Variants in PDK1 observed in about 807,000 individuals in gnomAD.
PDK1 encodes the protein [Pyruvate dehydrogenase (acetyl-transferring)] kinase isozyme 1, mitochondrial.
A neutral mutation model predicts 54.2 loss-of-function variants in PDK1; 39 were observed. The observed-to-expected ratio is 0.72, with a 90% confidence interval of 0.56 to 0.94. The LOEUF is 0.94. PDK1 is among the 40% of genes least tolerant of loss of function. PDK1 has a pLI of 0.00. For synonymous variants in PDK1, 221 were observed against 207.1 expected, an observed-to-expected ratio of 1.07 and a Z score of -0.58; for missense variants, 552 against 566.0, an observed-to-expected ratio of 0.98 and a Z score of 0.25.
chr2:172,621,598 T>C, the PDK1 span, among the ~76,000 whole-genome samples: 799 of 147,828 alleles, frequency 5.4e-3, 12 homozygotes, highest in African/African-American at 0.018. Context: ...TTATATATGA[T>C]ATATGTTTAT....
chr2:172,681,868 C>T, the PDK1 span, among the ~76,000 whole-genome samples: 19 of 152,310 alleles, frequency 1.2e-4, no homozygotes, highest in South Asian at 4.1e-4. Context: ...AAGCGATTCT[C>T]AAGCCTCAAA....
chr2:172,580,753 A>T (rs1284263303), intron 8 of PDK1, among the ~76,000 whole-genome samples: 4 of 152,258 alleles, frequency 2.6e-5, no homozygotes, highest in Admixed American at 6.5e-5. Context: ...ATGTCCATAC[A>T]GTGGAATATT....
chr2:172,638,355 G>A, the PDK1 span, among the ~76,000 whole-genome samples: 1 of 152,208 alleles, frequency 6.6e-6, no homozygotes, highest in African/African-American at 2.4e-5. Context: ...TTATCTTCTT[G>A]CTGACATACA....
the PDK1 span, among the ~76,000 whole-genome samples, chr2:172,664,311 C>CAAAAAAAAAAAAAAAAA: frequency 1.0e-3 from 45 of 44,180 alleles, 8 homozygotes; most frequent in East Asian, 6.3e-3. Flanking sequence ...AACTCTGCCT[C>CAAAAAAAAAAAAAAAAA]AAAAAAAAAA....
downstream of PDK1, among the ~76,000 whole-genome samples, chr2:172,613,640 A>G (rs559826784): frequency 6.6e-6 from 1 of 152,032 alleles, no homozygotes; most frequent in Non-Finnish European, 1.5e-5. Flanking sequence ...CTTATTCCCT[A>G]TCAGATAGTC....
the PDK1 span, among the ~76,000 whole-genome samples, chr2:172,654,244 T>A: frequency 6.6e-6 from 1 of 152,168 alleles, no homozygotes; most frequent in African/African-American, 2.4e-5. Context: ...AGAAATACCA[T>A]TTGACCCAGC....
At chr2:172,715,037 A>T in the PDK1 span, among the ~76,000 whole-genome samples, 1 of 152,362 alleles carries the variant, frequency 6.6e-6, no homozygotes, top group Middle Eastern at 3.4e-3. Context: ...GTACAAGAAA[A>T]TATACAACAC....
the PDK1 span, among the ~76,000 whole-genome samples, chr2:172,686,542 C>T: frequency 6.6e-6 from 1 of 152,124 alleles, no homozygotes; most frequent in Non-Finnish European, 1.5e-5. Context: ...GACCAATCAG[C>T]AGGACATGGG....
chr2:172,685,508 A>G, the PDK1 span, among the ~76,000 whole-genome samples: 1 of 152,254 alleles, frequency 6.6e-6, no homozygotes, highest in African/African-American at 2.4e-5. Flanking sequence ...ACTTTGGGTA[A>G]GTCACATAAA....
chr2:172,576,277 T>G (rs1245072035), intron 8 of PDK1, among the ~76,000 whole-genome samples: 2 of 152,228 alleles, frequency 1.3e-5, no homozygotes, highest in Non-Finnish European at 2.9e-5. Context: ...GTTATCTAAT[T>G]ATTACACACA....
chr2:172,571,196 C>T (rs1360221840), intron 8 of PDK1, among the ~76,000 whole-genome samples: 1 of 152,048 alleles, frequency 6.6e-6, no homozygotes, highest in African/African-American at 2.4e-5. Context: ...CTACTGGTTT[C>T]ATTTGATTCT....
the PDK1 span, among the ~76,000 whole-genome samples, chr2:172,696,325 CA>C: frequency 3.9e-5 from 6 of 152,100 alleles, no homozygotes; most frequent in Non-Finnish European, 8.8e-5. Context: ...ACTCCTCACT[CA>C]AAAAAGCAAT....
chr2:172,621,813 T>C, the PDK1 span, among the ~76,000 whole-genome samples: 1 of 133,872 alleles, frequency 7.5e-6, no homozygotes, highest in African/African-American at 3.5e-5. Flanking sequence ...TTATATCTCA[T>C]ATGTATGATA....
the PDK1 span, among the ~76,000 whole-genome samples, chr2:172,696,172 C>CAAAA: frequency 1.6e-5 from 2 of 121,936 alleles, no homozygotes; most frequent in Non-Finnish European, 1.6e-5. Context: ...AACTCTGTCT[C>CAAAA]AAAAAAAAAA....
At chr2:172,642,094 GA>G in the PDK1 span, among the ~76,000 whole-genome samples, 1 of 152,164 alleles carries the variant, frequency 6.6e-6, no homozygotes, top group Non-Finnish European at 1.5e-5. Flanking sequence ...AGTATTTTTG[GA>G]GATTAGATTT....
chr2:172,556,037 C>A, upstream of PDK1: 1 of 760,382 alleles, frequency 1.3e-6, no homozygotes, highest in Non-Finnish European at 1.9e-6. Flanking sequence ...GTGGGGGCCG[C>A]GCCGGTGACA....
chr2:172,684,557 C>T, the PDK1 span, among the ~76,000 whole-genome samples: 2 of 152,194 alleles, frequency 1.3e-5, no homozygotes, highest in Non-Finnish European at 2.9e-5. Flanking sequence ...GGAGATGAGT[C>T]AGTCCTCTTA....
downstream of PDK1, among the ~76,000 whole-genome samples, chr2:172,613,085 A>G (rs1691513354): frequency 6.6e-6 from 1 of 152,212 alleles, no homozygotes; most frequent in Non-Finnish European, 1.5e-5. Flanking sequence ...TTAGAAATGA[A>G]TTGTGGAGGA....
At chr2:172,698,121 C>T in the PDK1 span, among the ~76,000 whole-genome samples, 6,228 of 152,226 alleles carry the variant, frequency 0.041, 416 homozygotes, top group African/African-American at 0.14. Flanking sequence ...GCCTAGAGGG[C>T]GAGATGAAAT....
Sources: gnomAD v4.1 joint callset for allele counts (sites outside exome capture counted in the v4.1 genomes callset) on GRCh38, gnomAD v4.1.1 for gene constraint, MANE v1.5 for transcripts, NCBI Gene and HGNC (gene_info 2026-07-23, HGNC 2026-07-21) for gene names.